IL17RD: variants seen among roughly 807,000 people sequenced by gnomAD.
The protein encoded by IL17RD is interleukin 17 receptor D, also known as interleukin-17 receptor D.
IL17RD carries 52 observed loss-of-function variants against 80.5 expected under a neutral mutation model. The observed-to-expected ratio is 0.65, with a 90% CI of 0.52 to 0.81. The LOEUF (loss-of-function observed/expected upper bound fraction) is 0.81. Among genes scored for constraint, IL17RD ranks in the 40% least tolerant of loss-of-function variants. The probability of loss-of-function intolerance (pLI) is 0.00; values close to 1 mark genes in which losing one functional copy is unlikely to be tolerated. For synonymous variants in IL17RD, 416 were observed against 391.8 expected (o/e 1.06, Z -0.73); for missense variants, 1,024 against 955.1 (o/e 1.07, Z -0.95).
At chr3:57,153,434 T>C (rs1426533623) in intron 1 of IL17RD, among the ~76,000 whole-genome samples, 1 of 152,198 alleles carries the variant, frequency 6.6e-6, no homozygotes, top group Non-Finnish European at 1.5e-5. Flanking sequence ...ACAAGTGGCC[T>C]TGACTCTTCA....
chr3:57,098,610 G>A, intron 11 of IL17RD, 72 bp from the exon 12 acceptor site: 2 of 1,025,204 alleles, frequency 2.0e-6, no homozygotes, highest in Non-Finnish European at 2.9e-6. Context: ...GTAACAGGAA[G>A]GGAAATGTCA....
At position 57,135,118 on chromosome 3, in the gene IL17RD, A is replaced by G. The variant is rs146179456; in HGVS notation, c.127-14805T>C. On this transcript the variant is annotated intron_variant, in intron 1 of 12. Coordinates refer to ENST00000296318, the MANE Select transcript of IL17RD (RefSeq NM_017563.5). ...GCAAGACCTTGTCTCAAAACAAACAAAAACAAACAAACAAACAAAAAACAC... is the reference window on the plus strand; with the variant it reads ...GCAAGACCTTGTCTCAAAACAAACAGAAACAAACAAACAAACAAAAAACAC... Among the ~76,000 whole-genome samples, 8 of 150,554 alleles carry G rather than the reference A, an allele frequency of 5.3e-5. No homozygotes were observed. The East Asian group carries it at 1.6e-3, about 29-fold the overall frequency.
chr3:57,134,198 G>C, intron 1 of IL17RD: 1 of 683,746 alleles, frequency 1.5e-6, no homozygotes, highest in South Asian at 1.4e-5. Flanking sequence ...GCAAGAAGAA[G>C]GTCTGGTTGG....
At chr3:57,168,378 G>A (rs1221190623), upstream of IL17RD, among the ~76,000 whole-genome samples, 1 of 152,184 alleles carries the variant, frequency 6.6e-6, no homozygotes, top group African/African-American at 2.4e-5. Context: ...GCAACCGACA[G>A]CCTCTGAAAA....
rs571931532 is a variant in IL17RD at position 57,092,776 on chromosome 3, A to C, written c.*3617T>G. The C allele has an allele frequency of 6.6e-6, 1 of 152,292 alleles. No individual in the cohort carries two copies. The highest frequency in any genetic ancestry group is 2.1e-4 in the South Asian group (1 of 4,828). 9.4% of individuals were successfully genotyped at this position (152,292 alleles called of 1,614,324 possible). A position where few individuals can be genotyped will look rare whatever the true frequency, so the allele number is the denominator to read the frequency against. ...GCGGGGGAGACTGGAGAAAGAAGCA[A>C]TCTAACTACTGGCTGCATTTAGCAA... On this transcript the variant is annotated 3_prime_UTR_variant, in exon 13 of 13. Coordinates refer to ENST00000296318, the MANE Select transcript of IL17RD (RefSeq NM_017563.5).
At chr3:57,138,658 A>G (rs1361497499) in intron 1 of IL17RD, among the ~76,000 whole-genome samples, 3 of 152,134 alleles carry the variant, frequency 2.0e-5, no homozygotes, top group Non-Finnish European at 4.4e-5. Flanking sequence ...ACTGGGGGCC[A>G]GGTGCGGTGG....
rs1343028041 is a variant in IL17RD, at chr3:57,101,271, C to A, written c.1072G>T (p.Val358Phe). ...PRERLRPRPK[V>F]FLCYSSKDGQ... The stretch of plus-strand genomic sequence containing the variant: ...TCTTTACTGGAATAGCAGAGAAAGA[C>A]CTTCGGCCGCGGCCGGAGCCTCTCT... The change falls in exon 11 of 13, where the codon GTC becomes TTC. Residue 358 changes from valine (V) to phenylalanine (F), a missense_variant. Transcript: ENST00000296318. The A allele has an allele frequency of 1.9e-6, 3 of 1,613,578 alleles. No individual in the cohort carries two copies. Among genetic ancestry groups the A allele is most frequent in the Non-Finnish European group, 2.5e-6 (3 of 1,179,624 alleles).
At chr3:57,167,198 AT>A (rs200436307), upstream of IL17RD, among the ~76,000 whole-genome samples, 1,380 of 145,924 alleles carry the variant, frequency 9.5e-3, 11 homozygotes, top group East Asian at 0.066. Flanking sequence ...GCTGGGCAGA[AT>A]TTTTTTTTTT....
intron 1 of IL17RD, among the ~76,000 whole-genome samples, chr3:57,125,119 T>C (rs549189183): frequency 3.3e-5 from 5 of 152,296 alleles, no homozygotes; most frequent in African/African-American, 1.2e-4. Flanking sequence ...ATAAAGTATA[T>C]GAATAGGCTG....
intron 2 of IL17RD, among the ~76,000 whole-genome samples, chr3:57,119,696 C>T (rs4591475): frequency 1.9e-4 from 5 of 26,656 alleles, no homozygotes; most frequent in Non-Finnish European, 4.7e-4. Flanking sequence ...ACAGATTCAC[C>T]TTGTGTGAAT....
At chr3:57,141,633 T>C (rs1707830454) in intron 1 of IL17RD, among the ~76,000 whole-genome samples, 1 of 152,188 alleles carries the variant, frequency 6.6e-6, no homozygotes, top group Admixed American at 6.5e-5. Context: ...ATACACAAAC[T>C]GCTAAATGTT....
upstream of IL17RD, chr3:57,165,457 C>T (rs2060342743): frequency 2.6e-6 from 1 of 391,146 alleles, no homozygotes; most frequent in Non-Finnish European, 3.8e-6. Context: ...GTGCTGGCCC[C>T]GCCCCCACAG....
At chr3:57,130,005 G>T (rs57013610) in intron 1 of IL17RD, among the ~76,000 whole-genome samples, 6 of 152,220 alleles carry the variant, frequency 3.9e-5, no homozygotes, top group African/African-American at 1.4e-4. Context: ...GCTCCAGGTA[G>T]CCTTACCCTT....
intron 1 of IL17RD, among the ~76,000 whole-genome samples, chr3:57,152,101 C>A (rs1196330177): frequency 6.6e-6 from 1 of 152,128 alleles, no homozygotes; most frequent in Non-Finnish European, 1.5e-5. Context: ...CCCTCTTCCA[C>A]AAAACTAAAG....
chr3:57,133,853 T>C (rs1034577579), intron 1 of IL17RD, among the ~76,000 whole-genome samples: 1 of 152,196 alleles, frequency 6.6e-6, no homozygotes, highest in Non-Finnish European at 1.5e-5. Context: ...AAATGGCACA[T>C]ACAACCTTGT....
chr3:57,126,637 C>T (rs767448804), intron 1 of IL17RD, among the ~76,000 whole-genome samples: 2 of 152,136 alleles, frequency 1.3e-5, no homozygotes, highest in African/African-American at 4.8e-5. Context: ...TTCCAATTCA[C>T]CTCCAGCATA....
intron 1 of IL17RD, chr3:57,134,731 C>G: frequency 1.6e-6 from 1 of 637,086 alleles, no homozygotes; most frequent in Non-Finnish European, 2.9e-6. Context: ...TGAAAGCTCC[C>G]CCTTTGTCTG....
At chr3:57,098,675 C>T (rs575216622) in intron 11 of IL17RD, 137 bp from the exon 12 acceptor site, 31 of 651,482 alleles carry the variant, frequency 4.8e-5, no homozygotes, top group Non-Finnish European at 7.2e-5. Context: ...TATGTGCAGG[C>T]TCCAGGTTAC....
chr3:57,116,956 G>A (rs939266572), intron 2 of IL17RD, among the ~76,000 whole-genome samples: 3 of 150,196 alleles, frequency 2.0e-5, no homozygotes, highest in Admixed American at 6.6e-5. Context: ...GATTTATTGT[G>A]GTCCATAATG....
Sources: gnomAD v4.1 joint callset for allele counts (sites outside exome capture counted in the v4.1 genomes callset) on GRCh38, gnomAD v4.1.1 for gene constraint, MANE v1.5 for transcripts, NCBI Gene and HGNC (gene_info 2026-07-23, HGNC 2026-07-21) for gene names.